PHF24: variants seen among roughly 807,000 people sequenced by gnomAD.
PHF24 encodes Galpha inhibitory interacting protein.
PHF24 carries 25 observed loss-of-function variants against 42.6 expected under a neutral mutation model. The ratio of observed to expected loss-of-function variants is 0.59; its 90% CI spans 0.43 to 0.82. The LOEUF is 0.82. Among genes scored for constraint, PHF24 ranks in the 40% least tolerant of loss-of-function variants. The pLI, the probability that PHF24 is intolerant of heterozygous loss-of-function variation, is 0.00. For missense variants in PHF24, 470 were observed against 538.1 expected (o/e 0.87, Z 1.25); for synonymous variants, 185 against 204.8 (o/e 0.90, Z 0.83).
the PHF24 span, among the ~76,000 whole-genome samples, chr9:34,712,277 G>C: frequency 7.6e-6 from 1 of 132,034 alleles, no homozygotes; most frequent in Non-Finnish European, 1.7e-5. Context: ...GTCTTGGTGT[G>C]GATCTCTGAG....
chr9:34,747,715 C>A, the PHF24 span, among the ~76,000 whole-genome samples: 1 of 152,126 alleles, frequency 6.6e-6, no homozygotes, highest in Non-Finnish European at 1.5e-5. Context: ...TAAATTGGTA[C>A]AACCACTATA....
the PHF24 span, among the ~76,000 whole-genome samples, chr9:34,913,096 A>G: frequency 6.6e-6 from 1 of 152,154 alleles, no homozygotes; most frequent in Non-Finnish European, 1.5e-5. Flanking sequence ...TGACTGACCA[A>G]TCCACGAACT....
At chr9:34,714,815 C>T in the PHF24 span, among the ~76,000 whole-genome samples, 1 of 152,138 alleles carries the variant, frequency 6.6e-6, no homozygotes, top group African/African-American at 2.4e-5. Flanking sequence ...CTTTTTCTTT[C>T]CTAAAAGCTT....
the PHF24 span, among the ~76,000 whole-genome samples, chr9:34,753,907 ATGC>A: frequency 6.6e-6 from 1 of 152,180 alleles, no homozygotes; most frequent in African/African-American, 2.4e-5. Context: ...TCTTCAATAA[ATGC>A]TGCTGGAAAA....
At chr9:34,841,720 T>C in the PHF24 span, among the ~76,000 whole-genome samples, 1 of 151,978 alleles carries the variant, frequency 6.6e-6, no homozygotes, top group Non-Finnish European at 1.5e-5. Flanking sequence ...TAGCCAGGAG[T>C]GGTGGCAGCC....
chr9:34,972,512 G>A (rs1016792801), exon 3 of PHF24: 1 of 1,611,560 alleles, frequency 6.2e-7, no homozygotes, highest in Non-Finnish European at 8.5e-7. Context: ...ACAGAAACAG[G>A]CTGGAGCTGC....
At chr9:34,760,209 TC>T in the PHF24 span, among the ~76,000 whole-genome samples, 3 of 152,206 alleles carry the variant, frequency 2.0e-5, no homozygotes, top group African/African-American at 7.2e-5. Flanking sequence ...GACTCTGCTT[TC>T]ATTATAATGC....
chr9:34,842,565 C>A, the PHF24 span, among the ~76,000 whole-genome samples: 1 of 152,144 alleles, frequency 6.6e-6, no homozygotes, highest in Admixed American at 6.5e-5. Flanking sequence ...CCCCTCCCAC[C>A]ATATGAAGAC....
the PHF24 span, among the ~76,000 whole-genome samples, chr9:34,805,611 C>G: frequency 6.6e-6 from 1 of 152,050 alleles, no homozygotes; most frequent in Non-Finnish European, 1.5e-5. Flanking sequence ...GATACAAGTC[C>G]CTTATCAGAT....
the PHF24 span, among the ~76,000 whole-genome samples, chr9:34,744,270 A>G: frequency 6.6e-6 from 1 of 152,262 alleles, no homozygotes; most frequent in South Asian, 2.1e-4. Flanking sequence ...GGATATCATC[A>G]GTGGCTTCAC....
the PHF24 span, chr9:34,917,284 GA>G: frequency 4.8e-6 from 5 of 1,036,252 alleles, no homozygotes; most frequent in Non-Finnish European, 6.1e-6. Flanking sequence ...GATGGTACTG[GA>G]AAAGGACTGC....
At chr9:34,908,074 C>T in the PHF24 span, among the ~76,000 whole-genome samples, 67 of 152,286 alleles carry the variant, frequency 4.4e-4, 2 homozygotes, top group South Asian at 0.013. Flanking sequence ...AACTCCCGAC[C>T]TCGTGATCTG....
chr9:34,739,777 G>C, the PHF24 span, among the ~76,000 whole-genome samples: 5 of 152,168 alleles, frequency 3.3e-5, no homozygotes, highest in Non-Finnish European at 4.4e-5. Flanking sequence ...GGATACCCCA[G>C]CGTGTTGCCG....
chr9:34,909,848 T>C, the PHF24 span, among the ~76,000 whole-genome samples: 2 of 152,168 alleles, frequency 1.3e-5, no homozygotes, highest in African/African-American at 4.8e-5. Flanking sequence ...GGTCTGGATC[T>C]CATCTTCTGA....
the PHF24 span, among the ~76,000 whole-genome samples, chr9:34,830,280 G>A: frequency 6.6e-6 from 1 of 152,122 alleles, no homozygotes; most frequent in Non-Finnish European, 1.5e-5. Flanking sequence ...TATTTTCTTT[G>A]TGCTGTTTTA....
chr9:34,952,464 A>C, the PHF24 span, among the ~76,000 whole-genome samples: 1 of 152,240 alleles, frequency 6.6e-6, no homozygotes, highest in Non-Finnish European at 1.5e-5. Flanking sequence ...GATTTAGCGC[A>C]GTGCCAATTA....
chr9:34,755,695 G>C, the PHF24 span, among the ~76,000 whole-genome samples: 25 of 151,938 alleles, frequency 1.6e-4, no homozygotes, highest in African/African-American at 4.8e-4. Flanking sequence ...GCCCAAGCTG[G>C]AGTGTGGTAG....
At chr9:34,848,385 T>C in the PHF24 span, among the ~76,000 whole-genome samples, 54,571 of 149,344 alleles carry the variant, frequency 0.37, 10,376 homozygotes, top group East Asian at 0.66. Flanking sequence ...AGTTTATTTG[T>C]GTAGAGGTGT....
the PHF24 span, among the ~76,000 whole-genome samples, chr9:34,748,848 A>G: frequency 3.9e-5 from 6 of 152,170 alleles, no homozygotes; most frequent in East Asian, 1.9e-4. Context: ...GACCTCACCA[A>G]ATGAATGAAA....
Sources: allele counts gnomAD v4.1 joint callset (sites outside exome capture counted in the v4.1 genomes callset), GRCh38; gene constraint gnomAD v4.1.1; transcripts MANE v1.5; gene names NCBI Gene and HGNC (gene_info 2026-07-23, HGNC 2026-07-21).